Variants in TNFRSF11A observed in about 807,000 individuals in gnomAD.
TNFRSF11A encodes the protein tumor necrosis factor receptor superfamily member 11A.
TNFRSF11A carries 32 observed loss-of-function variants against 55.7 expected under a neutral mutation model. The observed-to-expected ratio is 0.57, with a 90% confidence interval of 0.43 to 0.77. The LOEUF (loss-of-function observed/expected upper bound fraction) is 0.77. Ranked by LOEUF, TNFRSF11A falls within the 30% of genes least tolerant of loss-of-function variation. The pLI is 0.00. For synonymous variants in TNFRSF11A, 311 were observed against 331.0 expected, an observed-to-expected ratio of 0.94 and a Z score of 0.65; for missense variants, 753 against 809.8, an observed-to-expected ratio of 0.93 and a Z score of 0.85.
intron 9 of TNFRSF11A, among the ~76,000 whole-genome samples, chr18:62,370,796 C>T (rs1404991798): frequency 5.3e-5 from 8 of 151,462 alleles, no homozygotes; most frequent in African/African-American, 1.7e-4. Context: ...CTTTGCTGTT[C>T]GTTTGCATTG....
chr18:62,369,546 G>A, intron 9 of TNFRSF11A, 62 bp downstream of exon 9: 3 of 1,588,412 alleles, frequency 1.9e-6, no homozygotes, highest in Middle Eastern at 2.3e-4. Context: ...ACAGGGTTTG[G>A]GGGCAGGTAT....
intron 3 of TNFRSF11A, among the ~76,000 whole-genome samples, chr18:62,350,785 T>C (rs1460474658): frequency 6.6e-6 from 1 of 152,122 alleles, no homozygotes; most frequent in African/African-American, 2.4e-5. Flanking sequence ...TTTTAAAGTA[T>C]AGTTTATTTG....
intron 9 of TNFRSF11A, among the ~76,000 whole-genome samples, 186 bp downstream of exon 9, chr18:62,369,670 C>T (rs541938086): frequency 2.0e-5 from 3 of 152,352 alleles, no homozygotes; most frequent in East Asian, 1.9e-4. Context: ...TTATACACTG[C>T]GCCCAGCGCT....
At chr18:62,379,058 A>G (rs1253788572) in intron 9 of TNFRSF11A, among the ~76,000 whole-genome samples, 3 of 152,204 alleles carry the variant, frequency 2.0e-5, no homozygotes, top group African/African-American at 7.2e-5. Flanking sequence ...TCATCCTTGA[A>G]CAGTGTCAGT....
chr18:62,374,968 G>A (rs951744913), intron 9 of TNFRSF11A, among the ~76,000 whole-genome samples: 3 of 151,604 alleles, frequency 2.0e-5, no homozygotes, highest in East Asian at 3.9e-4. Context: ...GCAGTGGCAC[G>A]ATCTTGGCTC....
At chr18:62,335,660 AG>A in intron 1 of TNFRSF11A, among the ~76,000 whole-genome samples, 1 of 152,220 alleles carries the variant, frequency 6.6e-6, no homozygotes, top group South Asian at 2.1e-4. Context: ...AGTCCTTATT[AG>A]AAAAGAGAGT....
At position 62,329,312 on chromosome 18, in the gene TNFRSF11A, AC is replaced by A. The variant is rs370388738; in HGVS notation, c.75+3886del. Among the ~76,000 whole-genome samples the A allele has an allele frequency of 3.4e-4, 51 of 152,226 alleles. No individual in the cohort carries two copies. In the East Asian group the frequency reaches 7.0e-3, roughly 21 times the overall value. On this transcript the variant is annotated intron_variant, in intron 1 of 9. Coordinates refer to ENST00000586569, the MANE Select transcript of TNFRSF11A (RefSeq NM_003839.4). ...CCCTGGCCAGGTGGCCCATGGCCTG[AC>A]TGCTGTCTCCTCACAGCATCCTGGC...
intron 1 of TNFRSF11A, among the ~76,000 whole-genome samples, chr18:62,331,681 T>G (rs1474364214): frequency 6.6e-6 from 1 of 152,236 alleles, no homozygotes; most frequent in Non-Finnish European, 1.5e-5. Flanking sequence ...TGACCTGACC[T>G]GTGGTCTTCC....
At chr18:62,341,232 G>A (rs913086365) in intron 1 of TNFRSF11A, among the ~76,000 whole-genome samples, 4 of 152,122 alleles carry the variant, frequency 2.6e-5, no homozygotes, top group East Asian at 3.9e-4. Context: ...GAAATGACTC[G>A]GACCACTCAT....
intron 2 of TNFRSF11A, among the ~76,000 whole-genome samples, chr18:62,348,603 T>G (rs1225907868): frequency 6.6e-6 from 1 of 152,238 alleles, no homozygotes; most frequent in African/African-American, 2.4e-5. Flanking sequence ...TACTTAAAAT[T>G]GTTTTCACAG....
intron 5 of TNFRSF11A, among the ~76,000 whole-genome samples, chr18:62,359,589 G>A (rs62098355): frequency 0.16 from 24,734 of 152,048 alleles, 2,587 homozygotes; most frequent in South Asian, 0.23. Flanking sequence ...ATGTTGCCCA[G>A]GCTAGTCTCT....
At chr18:62,359,698 G>T (rs6567269) in intron 5 of TNFRSF11A, among the ~76,000 whole-genome samples, 1 of 151,994 alleles carries the variant, frequency 6.6e-6, no homozygotes, top group Non-Finnish European at 1.5e-5. Flanking sequence ...CTTTCCTGAA[G>T]ACTCTGCTCT....
At chr18:62,335,641 C>T (rs4603673) in intron 1 of TNFRSF11A, among the ~76,000 whole-genome samples, 3 of 152,112 alleles carry the variant, frequency 2.0e-5, no homozygotes, top group African/African-American at 7.2e-5. Context: ...GTTAGGCAGC[C>T]CCGTGTTCAG....
At chr18:62,366,829 T>C (rs1910117627) in intron 8 of TNFRSF11A, 69 bp downstream of exon 8, 1 of 1,470,448 alleles carries the variant, frequency 6.8e-7, no homozygotes, top group Non-Finnish European at 9.5e-7. Context: ...GCCATCCTAG[T>C]CACATATTGA....
At chr18:62,374,902 C>CT (rs1047377742) in intron 9 of TNFRSF11A, among the ~76,000 whole-genome samples, 19 of 134,490 alleles carry the variant, frequency 1.4e-4, no homozygotes, top group South Asian at 2.2e-4. Flanking sequence ...CTAATCCATT[C>CT]TTTTTTTTTA....
chr18:62,331,253 C>T (rs945447772), intron 1 of TNFRSF11A, among the ~76,000 whole-genome samples: 3 of 151,532 alleles, frequency 2.0e-5, no homozygotes, highest in Non-Finnish European at 4.4e-5. Context: ...AAATAAGACA[C>T]GGCAGCTGTC....
intron 7 of TNFRSF11A, among the ~76,000 whole-genome samples, chr18:62,363,973 G>C (rs973720246): frequency 1.1e-4 from 16 of 152,142 alleles, no homozygotes; most frequent in African/African-American, 3.6e-4. Context: ...ACTGACACTG[G>C]GGTCTCAATA....
At chr18:62,338,986 T>A (rs2046273858) in intron 1 of TNFRSF11A, among the ~76,000 whole-genome samples, 1 of 152,172 alleles carries the variant, frequency 6.6e-6, no homozygotes, top group Admixed American at 6.5e-5. Flanking sequence ...GAGTTGCCAC[T>A]TTGCTGTCGG....
intron 8 of TNFRSF11A, among the ~76,000 whole-genome samples, chr18:62,367,101 C>T (rs1910148144): frequency 6.6e-6 from 1 of 152,338 alleles, no homozygotes; most frequent in South Asian, 2.1e-4. Context: ...CCACCTGCCT[C>T]AGCCTCCCAA....
Sources: allele counts gnomAD v4.1 joint callset (sites outside exome capture counted in the v4.1 genomes callset), GRCh38; gene constraint gnomAD v4.1.1; transcripts MANE v1.5; gene names NCBI Gene and HGNC (gene_info 2026-07-23, HGNC 2026-07-21).